GPHN: variants seen among roughly 807,000 people sequenced by gnomAD.
GPHN encodes the protein gephyrin.
GPHN carries 17 observed loss-of-function variants against 95.5 expected under a neutral mutation model. That is an observed-to-expected ratio of 0.18 (90% CI 0.12 to 0.27). The LOEUF (loss-of-function observed/expected upper bound fraction) is 0.27, where lower values mean the gene tolerates loss of function less well. Among genes scored for constraint, GPHN ranks in the 10% least tolerant of loss-of-function variants. The probability of loss-of-function intolerance (pLI) is 1.00; values close to 1 mark genes in which losing one functional copy is unlikely to be tolerated. For synonymous variants in GPHN, 320 were observed against 322.5 expected (o/e 0.99, Z 0.08); for missense variants, 660 against 978.1 (o/e 0.67, Z 4.34).
chr14:67,155,821 G>A (rs2081551357), intron 18 of GPHN, among the ~76,000 whole-genome samples: 2 of 151,828 alleles, frequency 1.3e-5, no homozygotes, highest in African/African-American at 4.8e-5. Context: ...ACCATACCTA[G>A]GTAATCAGCA....
At chr14:67,150,467 A>AG (rs2081210368) in intron 18 of GPHN, among the ~76,000 whole-genome samples, 1 of 150,600 alleles carries the variant, frequency 6.6e-6, no homozygotes, top group African/African-American at 2.4e-5. Flanking sequence ...AAAAAAAAAA[A>AG]AAAAAACATT....
the GPHN span, among the ~76,000 whole-genome samples, chr14:67,341,610 G>A: frequency 2.0e-5 from 3 of 146,846 alleles, no homozygotes; most frequent in African/African-American, 5.0e-5. Flanking sequence ...GGAGGTGAGG[G>A]GCGCCTCTGC....
the GPHN span, among the ~76,000 whole-genome samples, chr14:67,568,207 A>G: frequency 2.0e-5 from 3 of 152,228 alleles, no homozygotes; most frequent in African/African-American, 7.2e-5. Context: ...ATGCCCATCA[A>G]TGGTAGACTG....
At chr14:67,651,592 G>T in the GPHN span, 2 of 1,200,218 alleles carry the variant, frequency 1.7e-6, no homozygotes, top group South Asian at 1.5e-5. Flanking sequence ...CTGTATGTTT[G>T]ATCACACAGC....
the GPHN span, among the ~76,000 whole-genome samples, chr14:67,307,839 C>T: frequency 6.6e-6 from 1 of 151,998 alleles, no homozygotes; most frequent in Non-Finnish European, 1.5e-5. Flanking sequence ...CCTAAATGCC[C>T]ATCGATGATA....
chr14:66,881,717 AT>A (rs907769346), intron 5 of GPHN, among the ~76,000 whole-genome samples: 1 of 151,760 alleles, frequency 6.6e-6, no homozygotes, highest in African/African-American at 2.4e-5. Context: ...TCCTGAATTA[AT>A]TTTTTTCTCC....
At chr14:67,502,502 G>C in the GPHN span, among the ~76,000 whole-genome samples, 2 of 139,914 alleles carry the variant, frequency 1.4e-5, no homozygotes, top group African/African-American at 2.6e-5. Context: ...GTCCAGGCTA[G>C]AGTGCAATGG....
the GPHN span, among the ~76,000 whole-genome samples, chr14:67,682,426 C>A: frequency 2.7e-4 from 41 of 152,204 alleles, no homozygotes; most frequent in Admixed American, 8.5e-4. Context: ...AGACAATTAT[C>A]CAACTTAAAA....
rs1049610945 is a variant in GPHN, at chr14:66,758,288, GACCC to G, written c.144-18171_144-18168del. 7.9e-4 allele frequency among the ~76,000 whole-genome samples: 120 copies of G among 152,208 alleles called. 1 individual carries two copies. Among genetic ancestry groups the G allele is most frequent in the African/African-American group, 2.8e-3 (115 of 41,538 alleles). On this transcript the variant is annotated intron_variant, in intron 2 of 22. Coordinates refer to ENST00000478722, the MANE Select transcript of GPHN (RefSeq NM_020806.5). ...GGCTTGAAAGTGGGATTTCACAGGG[GACCC>G]ACCCCCTATCTGCCTAGGCATTTGG...
intron 2 of GPHN, among the ~76,000 whole-genome samples, chr14:66,715,677 G>A: frequency 6.6e-6 from 1 of 152,058 alleles, no homozygotes; most frequent in East Asian, 1.9e-4. Flanking sequence ...GATAGGTTGT[G>A]TCACTATTGT....
At chr14:66,882,954 G>A (rs983182034) in intron 5 of GPHN, among the ~76,000 whole-genome samples, 1 of 151,262 alleles carries the variant, frequency 6.6e-6, no homozygotes, top group African/African-American at 2.4e-5. Context: ...GTTTCCTTAT[G>A]TGTAATGGCA....
chr14:67,693,133 T>G, the GPHN span: 1 of 886,464 alleles, frequency 1.1e-6, no homozygotes, highest in Non-Finnish European at 1.8e-6. Context: ...CTGTGTCTTC[T>G]GGCTGAGGTT....
chr14:67,323,232 C>CATGTGTGTATGTGTGT, the GPHN span, among the ~76,000 whole-genome samples: 114 of 143,618 alleles, frequency 7.9e-4, no homozygotes, highest in Non-Finnish European at 1.3e-3. Flanking sequence ...CATATATACA[C>CATGTGTGTATGTGTGT]GTGTGTGTGT....
At chr14:67,258,927 C>G in the GPHN span, among the ~76,000 whole-genome samples, 1 of 151,918 alleles carries the variant, frequency 6.6e-6, no homozygotes, top group African/African-American at 2.4e-5. Flanking sequence ...CTGCAGCCTC[C>G]CACCTCCCGG....
At chr14:67,656,173 G>T in the GPHN span, among the ~76,000 whole-genome samples, 1 of 151,276 alleles carries the variant, frequency 6.6e-6, no homozygotes, top group Non-Finnish European at 1.5e-5. Flanking sequence ...TTGAACCCAG[G>T]ATGCGGAGGT....
At chr14:66,511,848 T>A (rs577502979) in intron 1 of GPHN, among the ~76,000 whole-genome samples, 55 of 152,128 alleles carry the variant, frequency 3.6e-4, no homozygotes, top group East Asian at 9.6e-4. Flanking sequence ...TACTTTTTTT[T>A]AAATCAGGAA....
At chr14:66,960,798 C>A (rs1244794959) in intron 8 of GPHN, among the ~76,000 whole-genome samples, 1 of 151,998 alleles carries the variant, frequency 6.6e-6, no homozygotes, top group East Asian at 1.9e-4. Context: ...TGTGCCCAGC[C>A]CTGGGCATAA....
chr14:66,723,350 G>T (rs1215303754), intron 2 of GPHN, among the ~76,000 whole-genome samples: 1 of 150,270 alleles, frequency 6.7e-6, no homozygotes, highest in Admixed American at 6.6e-5. Context: ...GTTATAAAAG[G>T]TTAACCTTTT....
chr14:67,645,649 A>C, the GPHN span: 1 of 1,612,794 alleles, frequency 6.2e-7, no homozygotes, highest in Non-Finnish European at 8.5e-7. Flanking sequence ...GCAGCCTGGC[A>C]ATCGGTACCA....
Sources: gnomAD v4.1 joint callset for allele counts (sites outside exome capture counted in the v4.1 genomes callset) on GRCh38, gnomAD v4.1.1 for gene constraint, MANE v1.5 for transcripts, NCBI Gene and HGNC (gene_info 2026-07-23, HGNC 2026-07-21) for gene names.